The following WWOX variants were observed in gnomAD, a reference collection of about 807,000 sequenced individuals.
WWOX encodes WW domain containing oxidoreductase.
WWOX carries 69 observed loss-of-function variants against 46.2 expected under a neutral mutation model. The ratio of observed to expected loss-of-function variants is 1.49; its 90% CI spans 1.23 to 1.82. The LOEUF (loss-of-function observed/expected upper bound fraction) is 1.82. WWOX is among the 40% of genes most tolerant of loss of function. The probability of loss-of-function intolerance (pLI) is 0.00; values close to 1 mark genes in which losing one functional copy is unlikely to be tolerated. For synonymous variants in WWOX, 359 were observed against 202.6 expected, an observed-to-expected ratio of 1.77 and a Z score of -6.56; for missense variants, 919 against 542.6, an observed-to-expected ratio of 1.69 and a Z score of -6.89.
rs558318650 is a variant in WWOX at position 78,786,687 on chromosome 16, T to C, written c.1056+353935T>C. On this transcript the variant is annotated intron_variant, in intron 8 of 8. Transcript: ENST00000566780. ...CTTTTTGTCCCCGTAAAAGTAACTC[T>C]GTGCCCATAGTTGGCAGTTTGTCAT... Among the ~76,000 whole-genome samples, 3 of 152,358 alleles carry C rather than the reference T, an allele frequency of 2.0e-5. No homozygotes were observed. The South Asian group carries it at 6.2e-4, about 32-fold the overall frequency.
At chr16:78,278,685 A>C in intron 5 of WWOX, 1 of 1,588,284 alleles carries the variant, frequency 6.3e-7, no homozygotes, top group Non-Finnish European at 8.6e-7. Flanking sequence ...AAAGATCTTG[A>C]ATAGTCTCAT....
At chr16:78,672,719 G>A (rs2142207759) in intron 8 of WWOX, among the ~76,000 whole-genome samples, 1 of 152,318 alleles carries the variant, frequency 6.6e-6, no homozygotes, top group African/African-American at 2.4e-5. Context: ...GATTCCCAGA[G>A]GACCGTTACT....
intron 8 of WWOX, among the ~76,000 whole-genome samples, chr16:78,882,892 GAC>G: frequency 6.6e-6 from 1 of 151,952 alleles, no homozygotes; most frequent in Admixed American, 6.6e-5. Context: ...TTGGTCGAGT[GAC>G]ACAAACTGGA....
chr16:78,419,176 G>A (rs1052678519), intron 6 of WWOX, among the ~76,000 whole-genome samples: 15 of 152,152 alleles, frequency 9.9e-5, no homozygotes, highest in African/African-American at 3.6e-4. Flanking sequence ...CCATGTTCAT[G>A]TATCAGAAGA....
At chr16:78,849,104 C>T (rs904371651) in intron 8 of WWOX, among the ~76,000 whole-genome samples, 2 of 152,118 alleles carry the variant, frequency 1.3e-5, no homozygotes, top group African/African-American at 4.8e-5. Flanking sequence ...TGGTGTCCCA[C>T]GGAGGACAGT....
At chr16:78,427,823 A>C (rs535094701) in intron 7 of WWOX, among the ~76,000 whole-genome samples, 2 of 152,236 alleles carry the variant, frequency 1.3e-5, no homozygotes, top group Non-Finnish European at 2.9e-5. Flanking sequence ...AGTATAGGCC[A>C]GGCACAGTGT....
At chr16:78,691,044 A>G (rs886114307) in intron 8 of WWOX, among the ~76,000 whole-genome samples, 8 of 152,214 alleles carry the variant, frequency 5.3e-5, no homozygotes, top group African/African-American at 1.9e-4. Context: ...ATACATCTTC[A>G]CTAATGAGTT....
intron 5 of WWOX, among the ~76,000 whole-genome samples, chr16:78,310,745 T>G (rs111377297): frequency 4.6e-5 from 7 of 152,312 alleles, no homozygotes; most frequent in African/African-American, 1.4e-4. Flanking sequence ...GAAAGGAGTT[T>G]TACTCACCTT....
intron 5 of WWOX, among the ~76,000 whole-genome samples, chr16:78,341,863 C>G (rs1260162870): frequency 8.3e-6 from 1 of 120,562 alleles, no homozygotes; most frequent in African/African-American, 2.8e-5. Flanking sequence ...ACCTGTAATT[C>G]TAGCACATTG....
intron 5 of WWOX, among the ~76,000 whole-genome samples, chr16:78,174,627 A>T (rs1255879279): frequency 6.6e-6 from 1 of 152,200 alleles, no homozygotes; most frequent in Non-Finnish European, 1.5e-5. Context: ...TAATTTTTTT[A>T]AATGATCAAA....
At chr16:78,552,546 G>A (rs74029548) in intron 8 of WWOX, 1 of 152,150 alleles carries the variant, frequency 6.6e-6, no homozygotes, top group African/African-American at 2.4e-5. Context: ...GGAGGGTCCA[G>A]GAGCCCCCTG....
intron 5 of WWOX, among the ~76,000 whole-genome samples, chr16:78,230,177 TGCC>T (rs2037209223): frequency 9.2e-6 from 1 of 108,794 alleles, no homozygotes; most frequent in Non-Finnish European, 1.9e-5. Context: ...ACCGTGCCCG[TGCC>T]CGGCCTTACG....
intron 8 of WWOX, among the ~76,000 whole-genome samples, chr16:78,475,747 C>T (rs1178176302): frequency 6.6e-6 from 1 of 152,106 alleles, no homozygotes; most frequent in Non-Finnish European, 1.5e-5. Context: ...AGGCATGTGC[C>T]ACCACACCGG....
chr16:78,494,508 T>TA, intron 8 of WWOX, among the ~76,000 whole-genome samples: 1 of 152,202 alleles, frequency 6.6e-6, no homozygotes, highest in South Asian at 2.1e-4. Context: ...CAAAAGGAAA[T>TA]AAAAACGGCA....
chr16:78,491,534 T>G (rs1306188964), intron 8 of WWOX, among the ~76,000 whole-genome samples: 3 of 152,104 alleles, frequency 2.0e-5, no homozygotes, highest in Non-Finnish European at 2.9e-5. Context: ...AGAGTCTCTG[T>G]GCACTGCAGC....
chr16:78,475,731 G>T (rs1224315229), intron 8 of WWOX, among the ~76,000 whole-genome samples: 2 of 152,144 alleles, frequency 1.3e-5, no homozygotes, highest in Non-Finnish European at 2.9e-5. Context: ...CAGTAGCTGG[G>T]ATTACAGGCA....
intron 8 of WWOX, among the ~76,000 whole-genome samples, chr16:78,557,077 G>A (rs2044316043): frequency 6.6e-6 from 1 of 152,150 alleles, no homozygotes; most frequent in South Asian, 2.1e-4. Flanking sequence ...TGTCCTAAGT[G>A]AGAAGCAGAG....
At chr16:78,126,218 T>G (rs2033355184) in intron 4 of WWOX, among the ~76,000 whole-genome samples, 1 of 152,180 alleles carries the variant, frequency 6.6e-6, no homozygotes, top group South Asian at 2.1e-4. Flanking sequence ...ATTTTGTAAT[T>G]AAATGTTTGT....
chr16:78,983,987 C>G (rs977506210), intron 8 of WWOX, among the ~76,000 whole-genome samples: 1 of 142,314 alleles, frequency 7.0e-6, no homozygotes, highest in Admixed American at 7.7e-5. Flanking sequence ...ACGCTATTCT[C>G]CTGCCTCAGC....
Sources: allele counts gnomAD v4.1 joint callset (sites outside exome capture counted in the v4.1 genomes callset), GRCh38; gene constraint gnomAD v4.1.1; transcripts MANE v1.5; gene names NCBI Gene and HGNC (gene_info 2026-07-23, HGNC 2026-07-21).